Variants in ASB3 observed in about 807,000 individuals in gnomAD.
ASB3 encodes ankyrin repeat and SOCS box containing 3, also known as ankyrin repeat and SOCS box protein 3.
Under a neutral mutation model 54.5 loss-of-function variants are expected in ASB3, and 41 were observed. That is an observed-to-expected ratio of 0.75 (90% CI 0.59 to 0.98). The LOEUF (loss-of-function observed/expected upper bound fraction) is 0.98, where lower values mean the gene tolerates loss of function less well. Ranked by LOEUF, ASB3 falls within the 50% of genes least tolerant of loss-of-function variation. The pLI, the probability that ASB3 is intolerant of heterozygous loss-of-function variation, is 0.00. For synonymous variants in ASB3, 266 were observed against 221.2 expected, an observed-to-expected ratio of 1.20 and a Z score of -1.80; for missense variants, 733 against 620.0, an observed-to-expected ratio of 1.18 and a Z score of -1.94.
chr2:53,752,435 C>T (rs542806477), intron 2 of ASB3, among the ~76,000 whole-genome samples: 2 of 152,362 alleles, frequency 1.3e-5, no homozygotes, highest in East Asian at 3.9e-4. Flanking sequence ...GACCACCACA[C>T]ATGAGCTGAA....
intron 7 of ASB3, among the ~76,000 whole-genome samples, chr2:53,709,826 G>A (rs1669989570): frequency 6.6e-6 from 1 of 152,134 alleles, no homozygotes; most frequent in Non-Finnish European, 1.5e-5. Context: ...TATGTGATCT[G>A]CGGAGGTGAC....
At chr2:53,720,616 T>C (rs1055919667) in intron 5 of ASB3, among the ~76,000 whole-genome samples, 1 of 152,182 alleles carries the variant, frequency 6.6e-6, no homozygotes, top group Non-Finnish European at 1.5e-5. Flanking sequence ...TAGAGATCTA[T>C]AGAGATAGCA....
chr2:53,698,263 A>T (rs917514717), intron 8 of ASB3, among the ~76,000 whole-genome samples: 3 of 152,172 alleles, frequency 2.0e-5, no homozygotes, highest in African/African-American at 4.8e-5. Flanking sequence ...GGACAGCCTC[A>T]AAGATCTCTG....
intron 2 of ASB3, among the ~76,000 whole-genome samples, chr2:53,763,137 T>C (rs1368787230): frequency 6.6e-6 from 1 of 152,106 alleles, no homozygotes; most frequent in African/African-American, 2.4e-5. Context: ...ATCCCAGCAC[T>C]TTGGGAAGCC....
chr2:53,679,112 T>C (rs961812025), intron 9 of ASB3, among the ~76,000 whole-genome samples: 1 of 152,136 alleles, frequency 6.6e-6, no homozygotes, highest in Non-Finnish European at 1.5e-5. Context: ...ATCACTTCAA[T>C]TATTTTATCC....
At chr2:53,732,629 T>C (rs912118655) in intron 3 of ASB3, among the ~76,000 whole-genome samples, 33 of 152,230 alleles carry the variant, frequency 2.2e-4, no homozygotes, top group African/African-American at 7.5e-4. Context: ...TTTAACCTTA[T>C]GATGCAAGTT....
intron 3 of ASB3, among the ~76,000 whole-genome samples, chr2:53,744,449 C>G (rs763723111): frequency 6.6e-6 from 1 of 150,858 alleles, no homozygotes; most frequent in Non-Finnish European, 1.5e-5. Context: ...GTATCAAGAA[C>G]CATAAAACTA....
At chr2:53,786,043 A>G (rs947291831) in intron 1 of ASB3, among the ~76,000 whole-genome samples, 6 of 152,170 alleles carry the variant, frequency 3.9e-5, no homozygotes, top group Non-Finnish European at 8.8e-5. Context: ...AATCTGAGGA[A>G]GTGGGGGCGA....
intron 3 of ASB3, among the ~76,000 whole-genome samples, chr2:53,742,849 C>T (rs1368564626): frequency 6.6e-6 from 1 of 151,930 alleles, no homozygotes; most frequent in Non-Finnish European, 1.5e-5. Context: ...CCCAAGAACA[C>T]CACCATAATA....
chr2:53,677,011 C>T, intron 9 of ASB3, among the ~76,000 whole-genome samples: 1 of 152,136 alleles, frequency 6.6e-6, no homozygotes, highest in African/African-American at 2.4e-5. Flanking sequence ...TCAGGTGATC[C>T]ACCCGCCTCA....
At chr2:53,704,624 T>C (rs1187800126) in intron 7 of ASB3, among the ~76,000 whole-genome samples, 2 of 152,152 alleles carry the variant, frequency 1.3e-5, no homozygotes, top group African/African-American at 4.8e-5. Context: ...GGGAAAATGA[T>C]CATTTTCTTG....
At position 53,763,397 on chromosome 2, in the gene ASB3, G is replaced by C. The variant is rs1285767358; in HGVS notation, c.196+1980C>G. 1.8e-5 allele frequency: 3 copies of C among 169,260 alleles called. No homozygotes were observed. In the East Asian group the frequency reaches 5.8e-4, roughly 33 times the overall value. 10.5% of individuals were successfully genotyped at this position (169,260 alleles called of 1,614,324 possible). ...ATACAGTCGGGCTTCTGTATCCACGGGTTTTGCACCTGCAGATTCAACCAA... is the reference window on the plus strand; with the variant it reads ...ATACAGTCGGGCTTCTGTATCCACGCGTTTTGCACCTGCAGATTCAACCAA... On this transcript the variant is annotated intron_variant, in intron 2 of 9. Transcript: ENST00000263634.
At chr2:53,677,497 A>T (rs928061103) in intron 9 of ASB3, among the ~76,000 whole-genome samples, 35 of 151,994 alleles carry the variant, frequency 2.3e-4, no homozygotes, top group African/African-American at 7.5e-4. Context: ...GTTTTTTTTA[A>T]AAAAAAACTC....
intron 9 of ASB3, among the ~76,000 whole-genome samples, chr2:53,691,227 C>T (rs1241563623): frequency 6.6e-6 from 1 of 152,128 alleles, no homozygotes; most frequent in East Asian, 1.9e-4. Context: ...TTATAAACTA[C>T]CATGGCAAGT....
intron 5 of ASB3, among the ~76,000 whole-genome samples, chr2:53,724,534 G>A (rs962884921): frequency 2.0e-5 from 3 of 152,044 alleles, no homozygotes; most frequent in Non-Finnish European, 4.4e-5. Context: ...AGGAGGCAGA[G>A]GTTGCAGTGA....
chr2:53,733,481 G>A (rs927107885), intron 3 of ASB3, among the ~76,000 whole-genome samples: 8 of 147,040 alleles, frequency 5.4e-5, no homozygotes, highest in African/African-American at 1.0e-4. Context: ...TCACTCTGTC[G>A]CCCAAGCTCG....
intron 2 of ASB3, among the ~76,000 whole-genome samples, chr2:53,759,956 C>T (rs189988681): frequency 2.1e-4 from 32 of 152,244 alleles, no homozygotes; most frequent in Admixed American, 3.9e-4. Context: ...TGGACACTGG[C>T]GCAGCTGTCT....
intron 5 of ASB3, 132 bp downstream of exon 5, chr2:53,728,580 C>G: frequency 8.3e-7 from 1 of 1,200,630 alleles, no homozygotes; most frequent in Non-Finnish European, 1.1e-6. Context: ...TTTGTATTTA[C>G]TCTTATTTAC....
intron 1 of ASB3, among the ~76,000 whole-genome samples, chr2:53,781,333 G>A (rs962841645): frequency 1.3e-5 from 2 of 151,272 alleles, no homozygotes; most frequent in Admixed American, 6.6e-5. Flanking sequence ...GATCACTTTA[G>A]CCCAGGAGGT....
Sources: allele counts gnomAD v4.1 joint callset (sites outside exome capture counted in the v4.1 genomes callset), GRCh38; gene constraint gnomAD v4.1.1; transcripts MANE v1.5; gene names NCBI Gene and HGNC (gene_info 2026-07-23, HGNC 2026-07-21).